TBX20: variants seen among roughly 807,000 people sequenced by gnomAD.
TBX20 encodes T-box transcription factor 20, also known as T-box transcription factor TBX20.
Under a neutral mutation model 42.9 loss-of-function variants are expected in TBX20, and 8 were observed. The ratio of observed to expected loss-of-function variants is 0.19; its 90% CI spans 0.11 to 0.34. The LOEUF is 0.34. TBX20 is among the 10% of genes least tolerant of loss of function. TBX20 has a pLI of 1.00. For synonymous variants in TBX20, 198 were observed against 222.8 expected (o/e 0.89, Z 0.99); for missense variants, 411 against 566.0 (o/e 0.73, Z 2.78).
In TBX20 at chr7:35,202,631, G is replaced by A. The variant is rs760014915; in HGVS notation, c.1143C>T (p.His381=). 1.4e-5 allele frequency: 22 copies of A among 1,613,866 alleles called. No individual in the cohort carries two copies. In the South Asian group the frequency reaches 2.1e-4, roughly 15 times the overall value. Residue 381 remains histidine, a synonymous_variant, in exon 8 of 8, where the codon CAC becomes CAT. Coordinates refer to ENST00000408931, the MANE Select transcript of TBX20 (RefSeq NM_001077653.2). ...ATGGTGGCAGAGAACCCTGGATGGG[G>A]TGAGGAATGGGTGTTGCTATGGATG... The part of the protein sequence containing the change: ...STASIATPIP[H]PIQGSLPPYS...
At chr7:35,217,532 G>A (rs1789610737) in intron 6 of TBX20, among the ~76,000 whole-genome samples, 1 of 152,110 alleles carries the variant, frequency 6.6e-6, no homozygotes, top group African/African-American at 2.4e-5. Context: ...TAAAATAAAT[G>A]CTTCCTCTAA....
chr7:35,205,979 A>G (rs1274842345), intron 6 of TBX20, among the ~76,000 whole-genome samples: 1 of 152,214 alleles, frequency 6.6e-6, no homozygotes, highest in African/African-American at 2.4e-5. Context: ...AAAATACAGA[A>G]TGTTATGTAA....
rs1790066497 is a variant in TBX20 at position 35,240,969 on chromosome 7, G to A, written c.723C>T (p.Ala241=). The A allele has an allele frequency of 6.2e-7, 1 of 1,613,586 alleles. No individual in the cohort carries two copies. The highest frequency in any genetic ancestry group is 1.3e-5 in the African/African-American group (1 of 74,906). The change falls in exon 5 of 8, where the codon GCC becomes GCT. Residue 241 remains alanine, a synonymous_variant. Coordinates refer to ENST00000408931, the MANE Select transcript of TBX20 (RefSeq NM_001077653.2). ...VHIIKKKDHT[A]SLLNLKSEEF... is the part of the protein sequence containing the mutation. ...CTTCAGACTTCAGGTTGAGCAATGA[G>A]GCTGTGTGGTCTTTCTTCTTAATGA...
At chr7:35,242,279 C>T (rs534183552) in intron 4 of TBX20, among the ~76,000 whole-genome samples, 4 of 152,178 alleles carry the variant, frequency 2.6e-5, no homozygotes, top group African/African-American at 4.8e-5. Flanking sequence ...GTTTTAACTG[C>T]GATTGAATTT....
At chr7:35,210,740 A>G (rs570560731) in intron 6 of TBX20, among the ~76,000 whole-genome samples, 1 of 152,276 alleles carries the variant, frequency 6.6e-6, no homozygotes, top group East Asian at 1.9e-4. Flanking sequence ...TATTGTTAAC[A>G]TGCTACTTTT....
At chr7:35,228,883 T>C (rs1433313187) in intron 6 of TBX20, among the ~76,000 whole-genome samples, 1 of 152,206 alleles carries the variant, frequency 6.6e-6, no homozygotes, top group Non-Finnish European at 1.5e-5. Flanking sequence ...GTGGGTTTTC[T>C]TTTAGAAATG....
intron 1 of TBX20, 52 bp downstream of exon 1, chr7:35,253,442 C>G: frequency 6.3e-7 from 1 of 1,577,434 alleles, no homozygotes; most frequent in Non-Finnish European, 8.6e-7. Flanking sequence ...GGGGCACAGA[C>G]GGATGCGCAG....
intron 6 of TBX20, among the ~76,000 whole-genome samples, chr7:35,230,493 C>A (rs1789848301): frequency 6.6e-6 from 1 of 152,090 alleles, no homozygotes; most frequent in Admixed American, 6.6e-5. Flanking sequence ...CCCCACTGAG[C>A]CTCTAAGTCT....
At chr7:35,228,696 T>G (rs973611612) in intron 6 of TBX20, among the ~76,000 whole-genome samples, 8 of 152,138 alleles carry the variant, frequency 5.3e-5, no homozygotes, top group African/African-American at 2.4e-5. Context: ...GCCAACTGAA[T>G]GACTGTCTAA....
chr7:35,208,734 C>T (rs1244826885), intron 6 of TBX20, among the ~76,000 whole-genome samples: 1 of 65,802 alleles, frequency 1.5e-5, no homozygotes. Flanking sequence ...AAGAGCGAAA[C>T]TCCGTCTCAA....
chr7:35,217,847 AGTAG>A (rs1789616253), intron 6 of TBX20, among the ~76,000 whole-genome samples: 2 of 152,022 alleles, frequency 1.3e-5, no homozygotes, highest in African/African-American at 4.8e-5. Context: ...CAGCCTCCCG[AGTAG>A]CTGGGATTAC....
At chr7:35,233,148 G>GT (rs1443606927) in intron 5 of TBX20, among the ~76,000 whole-genome samples, 1 of 152,144 alleles carries the variant, frequency 6.6e-6, no homozygotes, top group African/African-American at 2.4e-5. Context: ...AAGAAATGTG[G>GT]TTTTTTCTTT....
At chr7:35,232,214 GTTAT>G (rs1025491896) in intron 5 of TBX20, among the ~76,000 whole-genome samples, 4 of 151,984 alleles carry the variant, frequency 2.6e-5, no homozygotes, top group Non-Finnish European at 5.9e-5. Context: ...TCCATGAAAT[GTTAT>G]TTATAAACTC....
rs1230877256 is a variant in TBX20 at position 35,244,091 on chromosome 7, A to T, written c.654+858T>A. Among the ~76,000 whole-genome samples, 12 of 152,370 alleles carry T rather than the reference A, an allele frequency of 7.9e-5. No individual in the cohort carries two copies. In the South Asian group the frequency reaches 1.0e-3, roughly 13 times the overall value. ...CACATGTACCCCATAAATATGTACAATTATTATGTATCAATTAAAAATTAT... is the reference window on the plus strand; with the variant it reads ...CACATGTACCCCATAAATATGTACATTTATTATGTATCAATTAAAAATTAT... On this transcript the variant is annotated intron_variant, in intron 4 of 7. Coordinates refer to ENST00000408931, the MANE Select transcript of TBX20 (RefSeq NM_001077653.2).
At chr7:35,237,638 G>A (rs13223116) in intron 5 of TBX20, among the ~76,000 whole-genome samples, 15,152 of 152,124 alleles carry the variant, frequency 0.1, 956 homozygotes, top group Middle Eastern at 0.24. Context: ...CTGAATCTGG[G>A]TGGAAGGCAT....
intron 6 of TBX20, among the ~76,000 whole-genome samples, chr7:35,209,008 A>G (rs975550323): frequency 2.0e-5 from 3 of 152,190 alleles, no homozygotes; most frequent in African/African-American, 7.2e-5. Flanking sequence ...GTTTGTCAGC[A>G]TGGTCATTAC....
intron 3 of TBX20, among the ~76,000 whole-genome samples, chr7:35,247,183 A>T (rs1410300085): frequency 6.6e-6 from 1 of 151,292 alleles, no homozygotes. Context: ...AAAAAAAAAA[A>T]AAAGAGGGTT....
Position 35,230,843 on chromosome 7 carries a change from T to C in TBX20, c.890+661A>G, listed in dbSNP as rs182787930. On this transcript the variant is annotated intron_variant, in intron 6 of 7. Transcript: ENST00000408931. ...CAATTAGGTTTAAAAATCTTCTCTTTGAAAAACAATTTTTGACATTCATAC... is the reference window on the plus strand; with the variant it reads ...CAATTAGGTTTAAAAATCTTCTCTTCGAAAAACAATTTTTGACATTCATAC... Among the ~76,000 whole-genome samples, 459 of 152,334 alleles carry C rather than the reference T, an allele frequency of 3.0e-3. 2 individuals are homozygous for C. Among genetic ancestry groups the C allele is most frequent in the Non-Finnish European group, 5.2e-3 (351 of 68,028 alleles).
rs756899810 is a variant in TBX20 at position 35,241,744 on chromosome 7, A to G, written c.655-707T>C. Reference sequence around the variant, plus strand: ...ACTTGAATCATGATAGCCATCTTCCATTCTGCAGCTAGTAAAAGTTGCCAA... The same window carrying G: ...ACTTGAATCATGATAGCCATCTTCCGTTCTGCAGCTAGTAAAAGTTGCCAA... On this transcript the variant is annotated intron_variant, in intron 4 of 7. Coordinates refer to ENST00000408931, the MANE Select transcript of TBX20 (RefSeq NM_001077653.2). Among the ~76,000 whole-genome samples, 8 of 152,360 alleles carry G rather than the reference A, an allele frequency of 5.3e-5. No individual in the cohort carries two copies. In the South Asian group the frequency reaches 8.3e-4, roughly 16 times the overall value.
Sources: gnomAD v4.1 joint callset for allele counts (sites outside exome capture counted in the v4.1 genomes callset) on GRCh38, gnomAD v4.1.1 for gene constraint, MANE v1.5 for transcripts, NCBI Gene and HGNC (gene_info 2026-07-23, HGNC 2026-07-21) for gene names.